Variants in TJP2 observed in about 807,000 individuals in gnomAD.
TJP2 encodes the protein Friedreich ataxia region gene X104 (tight junction protein ZO-2).
A neutral mutation model predicts 133.1 loss-of-function variants in TJP2; 91 were observed. The ratio of observed to expected loss-of-function variants is 0.68; its 90% CI spans 0.58 to 0.81. The LOEUF (loss-of-function observed/expected upper bound fraction) is 0.81, where lower values mean the gene tolerates loss of function less well. TJP2 is among the 40% of genes least tolerant of loss of function. The pLI, the probability that TJP2 is intolerant of heterozygous loss-of-function variation, is 0.00. For synonymous variants in TJP2, 592 were observed against 583.4 expected, an observed-to-expected ratio of 1.01 and a Z score of -0.21; for missense variants, 1,541 against 1,565.6, an observed-to-expected ratio of 0.98 and a Z score of 0.26.
chr9:69,161,476 T>A (rs56183630), intron 2 of TJP2, among the ~76,000 whole-genome samples: 1 of 151,990 alleles, frequency 6.6e-6, no homozygotes, highest in African/African-American at 2.4e-5. Flanking sequence ...ATCCATCCGC[T>A]TCAGCCTCCC....
At chr9:69,181,497 C>T (rs1825510837) in intron 1 of TJP2, among the ~76,000 whole-genome samples, 1 of 152,154 alleles carries the variant, frequency 6.6e-6, no homozygotes, top group African/African-American at 2.4e-5. Flanking sequence ...ATCCGCCTGC[C>T]TTGGCCTCCC....
At chr9:69,232,933 G>T (rs1464653233) in intron 11 of TJP2, among the ~76,000 whole-genome samples, 1 of 152,208 alleles carries the variant, frequency 6.6e-6, no homozygotes, top group Non-Finnish European at 1.5e-5. Context: ...TGTGGCCAGA[G>T]AGATGGACTG....
At chr9:69,156,152 G>T (rs1022297719) in intron 2 of TJP2, among the ~76,000 whole-genome samples, 12 of 152,118 alleles carry the variant, frequency 7.9e-5, no homozygotes, top group Non-Finnish European at 1.5e-4. Flanking sequence ...ATCGCTTGAG[G>T]CCAGGAGTTT....
intron 4 of TJP2, among the ~76,000 whole-genome samples, chr9:69,219,859 C>T (rs1263065800): frequency 3.3e-5 from 5 of 152,128 alleles, no homozygotes; most frequent in Non-Finnish European, 7.4e-5. Context: ...CCCCACCCCC[C>T]ACTTTAAAAA....
Position 69,221,348 on chromosome 9 carries a change from G to C in TJP2, c.804G>C (p.Glu268Asp). ...DPDYERAYSP[E>D]YRRGARHDAR... ...ACTACGAGCGGGCCTACAGCCCGGA[G>C]TACAGGCGCGGGGCCCGCCACGATG... Residue 268 changes from glutamate (E) to aspartate (D), a missense_variant, in exon 5 of 23, where the codon GAG (glutamate) becomes GAC (aspartate). Coordinates refer to ENST00000377245, the MANE Select transcript of TJP2 (RefSeq NM_004817.4). 6.3e-7 allele frequency: 1 copy of C among 1,587,350 alleles called. No individual in the cohort carries two copies.
At chr9:69,174,224 G>T (rs1422686371), upstream of TJP2, 7 of 1,472,274 alleles carry the variant, frequency 4.8e-6, no homozygotes, top group Admixed American at 4.4e-5. Context: ...CGGGAGGAGG[G>T]ACAAAGGGGT....
At position 69,248,131 on chromosome 9, in the gene TJP2, A is replaced by G; in HGVS notation, c.2787A>G (p.Gly929=). Residue 929 remains glycine, a synonymous_variant, in exon 19 of 23, where the codon GGA becomes GGG. Coordinates refer to ENST00000377245, the MANE Select transcript of TJP2 (RefSeq NM_004817.4). Reference sequence around the variant, plus strand: ...ACTTTGAAGACACGGACGGTGAAGGAGGCGCCTACACTGACAATGAGCTGG... The same window carrying G: ...ACTTTGAAGACACGGACGGTGAAGGGGGCGCCTACACTGACAATGAGCTGG... ...ISDFEDTDGE[G]GAYTDNELDE... is the part of the protein sequence containing the mutation. The G allele has an allele frequency of 6.2e-7, 1 of 1,614,146 alleles. No individual in the cohort carries two copies. The highest frequency in any genetic ancestry group is 1.3e-5 in the African/African-American group (1 of 75,038).
chr9:69,153,410 C>T (rs992173090), intron 2 of TJP2, among the ~76,000 whole-genome samples: 3 of 152,024 alleles, frequency 2.0e-5, no homozygotes, highest in Non-Finnish European at 4.4e-5. Context: ...TGGCGAAACC[C>T]CATCTCTGCA....
intron 11 of TJP2, 116 bp downstream of exon 11, chr9:69,230,348 G>C: frequency 1.5e-6 from 2 of 1,313,140 alleles, no homozygotes; most frequent in Non-Finnish European, 2.2e-6. Flanking sequence ...GCAGCTGCAA[G>C]TTTGTTGATG....
At chr9:69,173,660 A>C (rs192983289), upstream of TJP2, among the ~76,000 whole-genome samples, 7 of 152,294 alleles carry the variant, frequency 4.6e-5, no homozygotes, top group African/African-American at 1.7e-4. Flanking sequence ...AAGGCCGTGT[A>C]TGTGTTGGTT....
chr9:69,248,377 G>T, intron 19 of TJP2, 153 bp downstream of exon 19: 2 of 1,443,026 alleles, frequency 1.4e-6, no homozygotes, highest in Non-Finnish European at 1.8e-6. Flanking sequence ...GTCCACGCTG[G>T]CATGGTTGCA....
rs1329559807 is a variant in TJP2 at position 69,190,078 on chromosome 9, C to A, written c.60+15646C>A. 1.3e-5 allele frequency among the ~76,000 whole-genome samples: 2 copies of A among 151,004 alleles called. 1 individual carries two copies. Among genetic ancestry groups the A allele is most frequent in the Non-Finnish European group, 3.0e-5 (2 of 67,752 alleles). Reference sequence around the variant, plus strand: ...TGAGCCAAGATGGCGCCACTGCACTCCAGCCTGGGCAACAGAGCGAGACTC... The same window carrying A: ...TGAGCCAAGATGGCGCCACTGCACTACAGCCTGGGCAACAGAGCGAGACTC... On this transcript the variant is annotated intron_variant, in intron 1 of 22. Coordinates refer to ENST00000377245, the MANE Select transcript of TJP2 (RefSeq NM_004817.4).
chr9:69,245,920 T>C (rs948371672), intron 17 of TJP2, among the ~76,000 whole-genome samples: 12 of 152,250 alleles, frequency 7.9e-5, no homozygotes, highest in East Asian at 1.9e-4. Flanking sequence ...CAAAGTGATA[T>C]ACAGTCAGCT....
rs1828820699 is a variant in TJP2 at position 69,221,264 on chromosome 9, C to A, written c.720C>A (p.Ser240Arg). 3.1e-6 allele frequency: 5 copies of A among 1,608,218 alleles called. No homozygotes were observed. The highest frequency in any genetic ancestry group is 4.2e-6 in the Non-Finnish European group (5 of 1,177,734). ...CCCGGGACCGGGACCGTGACCGCAG[C>A]CGCGGCCGGAGCATTGACCAGGACT... ...GPSRDRDRDR[S>R]RGRSIDQDYE... Residue 240 changes from serine (S) to arginine (R), a missense_variant, in exon 5 of 23, where the codon AGC becomes AGA. Ser to Arg is a moderately radical substitution (Grantham distance 110). Transcript: ENST00000377245.
chr9:69,194,626 G>T (rs553047771), intron 1 of TJP2, among the ~76,000 whole-genome samples: 1 of 152,286 alleles, frequency 6.6e-6, no homozygotes, highest in Admixed American at 6.5e-5. Flanking sequence ...CACAGCTATA[G>T]AACATCGTCA....
Position 69,234,545 on chromosome 9 carries a change from A to G in TJP2, c.1778A>G (p.Asp593Gly). Residue 593 changes from aspartate (D) to glycine (G), a missense_variant and splice_region_variant, in exon 12 of 23, where the codon GAT becomes GGT. By Grantham distance (94) the Asp-to-Gly change is moderately conservative. Transcript: ENST00000377245. ...ACCATTTTAGCTCAGAGCCGAGCCG[A>G]TGGTGAGCAAATTTGGTCATTTAGT... is the stretch of plus-strand genomic sequence containing the variant. ...MVTILAQSRA[D>G]VYRDILACGR... 1 of 903,084 alleles carries G rather than the reference A, an allele frequency of 1.1e-6. No individual in the cohort carries two copies. Among genetic ancestry groups the G allele is most frequent in the Non-Finnish European group, 1.6e-6 (1 of 631,150 alleles). 55.9% of individuals were successfully genotyped at this position (903,084 alleles called of 1,614,324 possible).
At position 69,221,207 on chromosome 9, in the gene TJP2, G is replaced by A. The variant is rs755486338; in HGVS notation, c.663G>A (p.Leu221=). 9 of 1,603,012 alleles carry A rather than the reference G, an allele frequency of 5.6e-6. No individual in the cohort carries two copies. Among genetic ancestry groups the A allele is most frequent in the Middle Eastern group, 1.6e-4 (1 of 6,066 alleles). ...GAGACCGCAGCCGTGGCCGGAGCCT[G>A]GAGCGGGGCCTGGACCACGACTTTG... ...RTRDRSRGRS[L]ERGLDHDFGP... The change falls in exon 5 of 23, where the codon CTG becomes CTA. Residue 221 remains leucine (L), a synonymous_variant. Coordinates refer to ENST00000377245, the MANE Select transcript of TJP2 (RefSeq NM_004817.4).
chr9:69,248,359 C>T (rs554692202), intron 19 of TJP2, 135 bp downstream of exon 19: 167 of 1,447,832 alleles, frequency 1.2e-4, no homozygotes, highest in Non-Finnish European at 1.4e-4. Flanking sequence ...GGGAGTCTCT[C>T]GCTTTGAGTC....
chr9:69,122,735 C>T (rs974494520), intron 1 of TJP2, among the ~76,000 whole-genome samples: 1 of 152,154 alleles, frequency 6.6e-6, no homozygotes, highest in Non-Finnish European at 1.5e-5. Flanking sequence ...TCTCAACTAT[C>T]CTTATTGTCT....
Sources: allele counts gnomAD v4.1 joint callset (sites outside exome capture counted in the v4.1 genomes callset), GRCh38; gene constraint gnomAD v4.1.1; transcripts MANE v1.5; gene names NCBI Gene and HGNC (gene_info 2026-07-23, HGNC 2026-07-21).